Variants in LUZP2 observed in about 807,000 individuals in gnomAD.
LUZP2 encodes the protein leucine zipper protein 2.
In LUZP2, 52 loss-of-function variants were observed where a neutral mutation model predicts 51.6. The ratio of observed to expected loss-of-function variants is 1.01; its 90% CI spans 0.81 to 1.27. The LOEUF is 1.27. Among genes scored for constraint, LUZP2 ranks in the 50% most tolerant of loss-of-function variants. LUZP2 has a pLI of 0.00. For missense variants in LUZP2, 436 were observed against 395.4 expected, an observed-to-expected ratio of 1.10 and a Z score of -0.87; for synonymous variants, 154 against 137.3, an observed-to-expected ratio of 1.12 and a Z score of -0.85.
At chr11:24,575,260 T>A (rs893042585) in intron 1 of LUZP2, among the ~76,000 whole-genome samples, 1 of 152,172 alleles carries the variant, frequency 6.6e-6, no homozygotes, top group African/African-American at 2.4e-5. Flanking sequence ...TAGTCCTTTC[T>A]AATTCTGCTT....
chr11:24,795,864 T>G (rs916995622), intron 5 of LUZP2, among the ~76,000 whole-genome samples: 1 of 152,096 alleles, frequency 6.6e-6, no homozygotes, highest in Non-Finnish European at 1.5e-5. Flanking sequence ...TGCCTAATCC[T>G]GTCTGTCTAT....
intron 5 of LUZP2, among the ~76,000 whole-genome samples, chr11:24,861,686 G>T (rs778807257): frequency 6.3e-4 from 96 of 152,320 alleles, no homozygotes; most frequent in Non-Finnish European, 1.0e-3. Flanking sequence ...AACAGCTGGA[G>T]CTGCTTGCTT....
chr11:24,833,051 G>A (rs1473816384), intron 5 of LUZP2, among the ~76,000 whole-genome samples: 1 of 152,132 alleles, frequency 6.6e-6, no homozygotes, highest in Non-Finnish European at 1.5e-5. Flanking sequence ...TTAAGCAGTT[G>A]ATGAAGGGGT....
At chr11:24,756,151 T>C (rs1332234619) in intron 4 of LUZP2, among the ~76,000 whole-genome samples, 1 of 152,168 alleles carries the variant, frequency 6.6e-6, no homozygotes, top group Non-Finnish European at 1.5e-5. Context: ...ACCTATGACC[T>C]GAAAGCCACA....
intron 5 of LUZP2, among the ~76,000 whole-genome samples, chr11:24,818,374 C>A (rs1027707162): frequency 4.6e-5 from 7 of 151,922 alleles, no homozygotes; most frequent in African/African-American, 1.7e-4. Flanking sequence ...GTTTCTGTAC[C>A]ATAGCTAACA....
At chr11:24,805,067 G>T (rs1251299714) in intron 5 of LUZP2, among the ~76,000 whole-genome samples, 1 of 144,924 alleles carries the variant, frequency 6.9e-6, no homozygotes, top group East Asian at 2.0e-4. Flanking sequence ...TCATGCTTCT[G>T]ACAAAGACAC....
At chr11:24,931,525 T>C (rs1854451957) in intron 7 of LUZP2, among the ~76,000 whole-genome samples, 1 of 152,174 alleles carries the variant, frequency 6.6e-6, no homozygotes, top group African/African-American at 2.4e-5. Flanking sequence ...TGAGACTTTC[T>C]AGTGTCTTTT....
chr11:24,675,179 G>A (rs1022411393), intron 1 of LUZP2, among the ~76,000 whole-genome samples: 3 of 152,150 alleles, frequency 2.0e-5, no homozygotes, highest in African/African-American at 7.2e-5. Context: ...AGTGGAATTG[G>A]GTTGTTTGAA....
At chr11:24,752,358 T>C (rs555373925) in intron 4 of LUZP2, among the ~76,000 whole-genome samples, 1 of 152,194 alleles carries the variant, frequency 6.6e-6, no homozygotes, top group Non-Finnish European at 1.5e-5. Context: ...CATTGTTCTA[T>C]ACATATAAAC....
intron 10 of LUZP2, among the ~76,000 whole-genome samples, chr11:25,055,795 G>A (rs1275009190): frequency 6.6e-6 from 1 of 152,116 alleles, no homozygotes; most frequent in Non-Finnish European, 1.5e-5. Context: ...GTTAATTTAT[G>A]TTTCAACCAG....
chr11:24,602,097 T>G (rs1853693673), intron 1 of LUZP2, among the ~76,000 whole-genome samples: 1 of 133,126 alleles, frequency 7.5e-6, no homozygotes, highest in Non-Finnish European at 1.5e-5. Flanking sequence ...TATATGTATA[T>G]ATGTGTATAT....
At chr11:24,834,266 C>T (rs1459863589) in intron 5 of LUZP2, among the ~76,000 whole-genome samples, 5 of 152,030 alleles carry the variant, frequency 3.3e-5, no homozygotes, top group Admixed American at 6.6e-5. Flanking sequence ...CCCCAACAGG[C>T]CCCAGGGTGT....
intron 1 of LUZP2, among the ~76,000 whole-genome samples, chr11:24,539,432 C>T (rs970386823): frequency 7.2e-5 from 11 of 151,852 alleles, no homozygotes; most frequent in African/African-American, 1.9e-4. Flanking sequence ...ATTATAATAA[C>T]TAAAATCCAC....
At chr11:24,534,212 T>G (rs1245409971) in intron 1 of LUZP2, among the ~76,000 whole-genome samples, 1 of 148,728 alleles carries the variant, frequency 6.7e-6, no homozygotes, top group East Asian at 1.9e-4. Context: ...TTCCACCACT[T>G]TCTTGAACAC....
At position 25,081,626 on chromosome 11, in the gene LUZP2, G is replaced by A. The variant is rs1484908406; in HGVS notation, c.*2968G>A. On this transcript the variant is annotated 3_prime_UTR_variant, in exon 12 of 12. Coordinates refer to ENST00000336930, the MANE Select transcript of LUZP2 (RefSeq NM_001009909.4). ...TACATTTGTGAATGTGTCTATGAGA[G>A]AGGGGCCATTTCTCACATATTTTAA... The A allele has an allele frequency of 6.6e-6, 1 of 152,098 alleles. No individual in the cohort carries two copies. Among genetic ancestry groups the A allele is most frequent in the African/African-American group, 2.4e-5 (1 of 41,416 alleles). The allele number at this position is 152,098 out of a possible 1,614,324, so 9.4% of individuals were successfully genotyped here.
intron 7 of LUZP2, among the ~76,000 whole-genome samples, chr11:24,966,433 T>C (rs991554695): frequency 6.6e-6 from 1 of 150,424 alleles, no homozygotes; most frequent in African/African-American, 2.4e-5. Context: ...ATTTTTCTAA[T>C]GTTTGGGGTT....
chr11:24,572,869 GA>G (rs1237330792), intron 1 of LUZP2, among the ~76,000 whole-genome samples: 1 of 151,984 alleles, frequency 6.6e-6, no homozygotes, highest in Non-Finnish European at 1.5e-5. Context: ...TCTGAGTAAA[GA>G]AGAAAAATCT....
intron 1 of LUZP2, among the ~76,000 whole-genome samples, chr11:24,617,052 T>G (rs1164250370): frequency 6.6e-6 from 1 of 152,184 alleles, no homozygotes; most frequent in Non-Finnish European, 1.5e-5. Context: ...TTCTTGTAAA[T>G]TTTCTGTGTA....
At chr11:25,038,984 C>T (rs889770497) in intron 9 of LUZP2, among the ~76,000 whole-genome samples, 1 of 152,254 alleles carries the variant, frequency 6.6e-6, no homozygotes, top group East Asian at 1.9e-4. Flanking sequence ...GGTTGATAAG[C>T]TCTTAGCCGC....
Sources: allele counts gnomAD v4.1 joint callset (sites outside exome capture counted in the v4.1 genomes callset), GRCh38; gene constraint gnomAD v4.1.1; transcripts MANE v1.5; gene names NCBI Gene and HGNC (gene_info 2026-07-23, HGNC 2026-07-21).